CABIN1: variants seen among roughly 807,000 people sequenced by gnomAD.
CABIN1 encodes calcineurin binding protein 1.
In CABIN1, 133 loss-of-function variants were observed where a neutral mutation model predicts 227.7. The ratio of observed to expected loss-of-function variants is 0.58; its 90% CI spans 0.51 to 0.67. The LOEUF is 0.67. Among genes scored for constraint, CABIN1 ranks in the 30% least tolerant of loss-of-function variants. The probability of loss-of-function intolerance (pLI) is 0.00; values close to 1 mark genes in which losing one functional copy is unlikely to be tolerated. For missense variants in CABIN1, 2,408 were observed against 2,852.5 expected (o/e 0.84, Z 3.55); for synonymous variants, 1,086 against 1,155.1 (o/e 0.94, Z 1.21).
Position 24,177,895 on chromosome 22 carries a change from G to GGTGGCA in CABIN1, c.6519+80_6519+85dup. ...AAAGGGGGCCTAGGATGGGGGTGGG[G>GGTGGCA]GTGGCAGGAGGGCCTGGGGTGTGGG... On this transcript the variant is annotated intron_variant, in intron 36 of 36. Transcript: ENST00000263119. This position sits in a 1 kb window ranked among gnomAD's most constrained non-coding sequence, Gnocchi z 4.4. The GGTGGCA allele has an allele frequency of 6.6e-7, 1 of 1,520,990 alleles. No homozygotes were observed. Among genetic ancestry groups the GGTGGCA allele is most frequent in the Non-Finnish European group, 9.0e-7 (1 of 1,115,798 alleles). 94.2% of individuals were successfully genotyped at this position (1,520,990 alleles called of 1,614,324 possible). A position where few individuals can be genotyped will look rare whatever the true frequency, so the allele number is the denominator to read the frequency against.
chr22:24,072,275 GCCT>G, intron 17 of CABIN1, 76 bp from the exon 18 acceptor site: 1 of 1,520,764 alleles, frequency 6.6e-7, no homozygotes, highest in Non-Finnish European at 9.1e-7. Context: ...TCCCCAAGAG[GCCT>G]CCTGCCTCCC....
At chr22:24,128,751 G>A (rs1416894713) in intron 28 of CABIN1, among the ~76,000 whole-genome samples, 1 of 152,242 alleles carries the variant, frequency 6.6e-6, no homozygotes, top group African/African-American at 2.4e-5. Flanking sequence ...ATGGCTAGGT[G>A]AAGGGCTGAA....
At position 24,071,021 on chromosome 22, in the gene CABIN1, G is replaced by A; in HGVS notation, c.2454G>A (p.Arg818=). ...KVSSSTTGLV[R]LTNNLIQVID... is the part of the protein sequence containing the mutation. ...CATCCTCCACCACTGGCCTTGTGCGGCTCACCAACAACCTCATCCAGGTAA... is the reference window on the plus strand; with the variant it reads ...CATCCTCCACCACTGGCCTTGTGCGACTCACCAACAACCTCATCCAGGTAA... Residue 818 remains arginine (R), a synonymous_variant, in exon 17 of 37, where the codon CGG becomes CGA. Transcript: ENST00000263119. 1 of 1,614,226 alleles carries A rather than the reference G, an allele frequency of 6.2e-7. No homozygotes were observed. Among genetic ancestry groups the A allele is most frequent in the Non-Finnish European group, 8.5e-7 (1 of 1,180,042 alleles).
At chr22:24,018,772 A>T (rs906853248) in intron 1 of CABIN1, among the ~76,000 whole-genome samples, 1 of 151,612 alleles carries the variant, frequency 6.6e-6, no homozygotes, top group Non-Finnish European at 1.5e-5. Flanking sequence ...GTTTTTCCAT[A>T]TGAATTTTAG....
At position 24,059,917 on chromosome 22, in the gene CABIN1, C is replaced by CG; in HGVS notation, c.1400-4dup. On this transcript the variant is annotated splice_region_variant and splice_polypyrimidine_tract_variant and intron_variant, in intron 11 of 36. Transcript: ENST00000263119. The stretch of plus-strand genomic sequence containing the variant: ...TTCAAGTCAGGTTGTTCTTGCTCCC[C>CG]GGGCAGAAAAGCAGGACGTGCATGA... The CG allele has an allele frequency of 6.2e-7, 1 of 1,613,700 alleles. No homozygotes were observed. Among genetic ancestry groups the CG allele is most frequent in the Non-Finnish European group, 8.5e-7 (1 of 1,179,650 alleles).
At chr22:24,140,505 G>A (rs768886862) in intron 29 of CABIN1, among the ~76,000 whole-genome samples, 106 of 152,282 alleles carry the variant, frequency 7.0e-4, no homozygotes, top group African/African-American at 2.0e-3. Flanking sequence ...GGCTCCCCCC[G>A]CAGGCATACA....
At chr22:24,019,783 G>A (rs563431360) in intron 1 of CABIN1, among the ~76,000 whole-genome samples, 4 of 145,258 alleles carry the variant, frequency 2.8e-5, no homozygotes, top group South Asian at 4.5e-4. Flanking sequence ...TCACCCTCCC[G>A]AGTAGCTGGG....
intron 22 of CABIN1, among the ~76,000 whole-genome samples, chr22:24,085,944 A>G (rs1201164636): frequency 6.6e-6 from 1 of 152,192 alleles, no homozygotes; most frequent in Non-Finnish European, 1.5e-5. Flanking sequence ...CCCTTGAGCC[A>G]TGGGTGAGCA....
In CABIN1 at chr22:24,095,909, A is replaced by G. The variant is rs757653273; in HGVS notation, c.3787-22A>G. On this transcript the variant is annotated intron_variant, in intron 24 of 36. Coordinates refer to ENST00000263119, the MANE Select transcript of CABIN1 (RefSeq NM_012295.4). ...CTTAGCAACTGGGAAGGCTGCTCAC[A>G]CTAGAGGTGTCGTTCTCCTAGGTGT... is the stretch of plus-strand genomic sequence containing the variant. 1.4e-5 allele frequency: 23 copies of G among 1,613,846 alleles called. No homozygotes were observed. In the Admixed American group the frequency reaches 3.3e-4, roughly 23 times the overall value.
In CABIN1 at chr22:24,098,115, C is replaced by G; in HGVS notation, c.4040C>G (p.Ser1347Cys). 3.1e-6 allele frequency: 5 copies of G among 1,614,162 alleles called. No individual in the cohort carries two copies. The highest frequency in any genetic ancestry group is 4.2e-6 in the Non-Finnish European group (5 of 1,180,036). The change falls in exon 26 of 37, where the codon TCC becomes TGC. Residue 1347 changes from serine to cysteine, a missense_variant. Ser to Cys is a moderately radical substitution (Grantham distance 112, BLOSUM62 -1). This residue lies in a region of CABIN1 where 649 missense variants were observed against 910.3 expected (regional missense o/e 0.71). Transcript: ENST00000263119. ...LPSSSGPGLT[S>C]PPYTATPIDH... ...TCCTCCTCTGGCCCAGGTCTGACAT[C>G]CCCACCTTACACAGCCACTCCGATT...
At chr22:24,082,422 CTG>C (rs1306816203) in intron 19 of CABIN1, among the ~76,000 whole-genome samples, 1 of 152,182 alleles carries the variant, frequency 6.6e-6, no homozygotes, top group Non-Finnish European at 1.5e-5. Flanking sequence ...GTATTGAAGA[CTG>C]TAAGTTTTCC....
At chr22:24,023,233 C>G (rs1196888339) in intron 1 of CABIN1, among the ~76,000 whole-genome samples, 1 of 152,144 alleles carries the variant, frequency 6.6e-6, no homozygotes, top group Non-Finnish European at 1.5e-5. Context: ...AATTTCATTC[C>G]TTTTTGTGGC....
intron 28 of CABIN1, among the ~76,000 whole-genome samples, chr22:24,121,626 G>A (rs1304282758): frequency 1.3e-5 from 2 of 152,228 alleles, no homozygotes; most frequent in African/African-American, 2.4e-5. Context: ...TGCTGAAGCC[G>A]TCTTTGGGCC....
intron 1 of CABIN1, among the ~76,000 whole-genome samples, chr22:24,032,452 T>TTC (rs2036562534): frequency 6.6e-6 from 1 of 152,260 alleles, no homozygotes; most frequent in South Asian, 2.1e-4. Flanking sequence ...AACATGAGTG[T>TTC]ACAAGTGTCT....
chr22:24,168,803 G>A (rs1216141712), intron 33 of CABIN1, among the ~76,000 whole-genome samples: 1 of 152,238 alleles, frequency 6.6e-6, no homozygotes, highest in Non-Finnish European at 1.5e-5. Context: ...ACCTCAACTG[G>A]GAAGGTCATT....
rs754252881 is a variant in CABIN1, at chr22:24,059,973, C to T, written c.1449C>T (p.Gly483=). 10 of 1,614,108 alleles carry T rather than the reference C, an allele frequency of 6.2e-6. No individual in the cohort carries two copies. The Admixed American group carries it at 1.5e-4, about 24-fold the overall frequency. The change falls in exon 12 of 37, where the codon GGC becomes GGT. Residue 483 remains glycine, a synonymous_variant. Transcript: ENST00000263119. ...EFLLENLTNG[G]ILELMMRYLK... ...TGCTGGAGAACCTAACCAACGGGGG[C>T]ATCCTGGAGCTGATGATGCGCTACC...
Position 24,076,277 on chromosome 22 carries a change from G to A in CABIN1, c.2741G>A (p.Arg914Gln), listed in dbSNP as rs1368528246. Reference sequence around the variant, plus strand: ...TGCAATTCAGATGGGGCTCTGCTGCGATTCTATGTAAGTGCTTCCCCTTGG... The same window carrying A: ...TGCAATTCAGATGGGGCTCTGCTGCAATTCTATGTAAGTGCTTCCCCTTGG... ...WCCNSDGALLRFYVRVLQKEL... is the reference protein window; with the variant it reads ...WCCNSDGALLQFYVRVLQKEL... Residue 914 changes from arginine to glutamine, a missense_variant, in exon 19 of 37, where the codon CGA (arginine) becomes CAA (glutamine). Transcript: ENST00000263119. The A allele has an allele frequency of 1.9e-6, 3 of 1,613,536 alleles. No homozygotes were observed. Among genetic ancestry groups the A allele is most frequent in the Admixed American group, 1.7e-5 (1 of 60,018 alleles).
chr22:24,177,579 C>T lies in CABIN1; in HGVS notation c.6281C>T (p.Ser2094Phe). 6.2e-7 allele frequency: 1 copy of T among 1,604,364 alleles called. No homozygotes were observed. Among genetic ancestry groups the T allele is most frequent in the South Asian group, 1.1e-5 (1 of 90,526 alleles). ...EAASETQPLS[S>F]PPTAASSKAP... ...GCGAGTGAGACTCAGCCCCTGAGCTCTCCCCCAACAGCTGCCAGCTCCAAG... is the reference window on the plus strand; with the variant it reads ...GCGAGTGAGACTCAGCCCCTGAGCTTTCCCCCAACAGCTGCCAGCTCCAAG... Residue 2094 changes from serine to phenylalanine, a missense_variant, in exon 36 of 37, where the codon TCT (serine) becomes TTT (phenylalanine). Coordinates refer to ENST00000263119, the MANE Select transcript of CABIN1 (RefSeq NM_012295.4). The surrounding 1 kb of genome is among the most constrained non-coding windows in gnomAD (Gnocchi z 4.4).
intron 23 of CABIN1, among the ~76,000 whole-genome samples, chr22:24,088,404 A>G (rs981753840): frequency 3.3e-5 from 5 of 152,088 alleles, no homozygotes; most frequent in Admixed American, 6.5e-5. Context: ...GGTCAGGAGT[A>G]TGAGACCAGC....
Sources: gnomAD v4.1 joint callset for allele counts (sites outside exome capture counted in the v4.1 genomes callset) on GRCh38, gnomAD v4.1.1 for gene constraint, gnomAD v4.1.1 regional missense constraint, Gnocchi (gnomAD v3.1) non-coding constraint, MANE v1.5 for transcripts, NCBI Gene and HGNC (gene_info 2026-07-23, HGNC 2026-07-21) for gene names.